The following UNC93A variants were observed in gnomAD, a reference collection of about 807,000 sequenced individuals.
UNC93A encodes the protein N-acetylglucosamine transporter UNC93A.
In UNC93A, 43 loss-of-function variants were observed where a neutral mutation model predicts 47.5. The ratio of observed to expected loss-of-function variants is 0.91; its 90% confidence interval spans 0.71 to 1.17. The LOEUF (loss-of-function observed/expected upper bound fraction) is 1.17, where lower values mean the gene tolerates loss of function less well. UNC93A is among the 50% of genes most tolerant of loss of function. The probability of loss-of-function intolerance (pLI) is 0.00; values close to 1 mark genes in which losing one functional copy is unlikely to be tolerated. For missense variants in UNC93A, 605 were observed against 577.6 expected (o/e 1.05, Z -0.49); for synonymous variants, 280 against 258.0 (o/e 1.09, Z -0.82).
In UNC93A at chr6:167,296,478, G is replaced by A. The variant is rs531979306; in HGVS notation, c.499+217G>A. Among the ~76,000 whole-genome samples, 148 of 152,328 alleles carry A rather than the reference G, an allele frequency of 9.7e-4. 2 individuals carry two copies. Among genetic ancestry groups the A allele is most frequent in the African/African-American group, 3.4e-3 (140 of 41,566 alleles). On this transcript the variant is annotated intron_variant, in intron 3 of 7. Coordinates refer to ENST00000230256, the MANE Select transcript of UNC93A (RefSeq NM_018974.4). The stretch of plus-strand genomic sequence containing the variant: ...TCGGGTGGGACTGAAGAAGATCTGC[G>A]TCTTCCACAGGTGCCTCCGCAGGGG...
chr6:167,278,810 G>A (rs140196250), intron 1 of UNC93A, among the ~76,000 whole-genome samples: 1,996 of 152,260 alleles, frequency 0.013, 51 homozygotes, highest in African/African-American at 0.046. Flanking sequence ...GGGCTCACCC[G>A]GCTCTGTTCC....
At chr6:167,278,409 G>T (rs902916575) in intron 1 of UNC93A, among the ~76,000 whole-genome samples, 1 of 152,172 alleles carries the variant, frequency 6.6e-6, no homozygotes, top group Non-Finnish European at 1.5e-5. Context: ...AAAGCTGCAC[G>T]GTGGGTGCAT....
At chr6:167,281,418 T>C (rs1221899689) in intron 1 of UNC93A, among the ~76,000 whole-genome samples, 3 of 152,146 alleles carry the variant, frequency 2.0e-5, no homozygotes, top group African/African-American at 7.2e-5. Flanking sequence ...GAGGATGAGA[T>C]GAGTTGAGCT....
intron 4 of UNC93A, among the ~76,000 whole-genome samples, chr6:167,302,426 G>A (rs1343545940): frequency 6.6e-6 from 1 of 152,122 alleles, no homozygotes; most frequent in Non-Finnish European, 1.5e-5. Context: ...CAGAGAGAAG[G>A]GAAGGATCGC....
chr6:167,283,118 T>C (rs929671182), intron 1 of UNC93A, among the ~76,000 whole-genome samples: 3 of 152,170 alleles, frequency 2.0e-5, no homozygotes, highest in Non-Finnish European at 4.4e-5. Flanking sequence ...ACAAAAGACC[T>C]GGAAAAAGAA....
At chr6:167,299,924 G>A (rs914398481) in intron 4 of UNC93A, among the ~76,000 whole-genome samples, 1 of 152,226 alleles carries the variant, frequency 6.6e-6, no homozygotes, top group African/African-American at 2.4e-5. Context: ...GCGTGACTTA[G>A]AGGTGCAGAG....
intron 7 of UNC93A, among the ~76,000 whole-genome samples, chr6:167,312,703 A>T (rs1042650709): frequency 3.3e-5 from 5 of 152,262 alleles, no homozygotes; most frequent in Admixed American, 6.5e-5. Context: ...GTGTACAGTC[A>T]TTTCAGAATT....
At chr6:167,308,628 T>A (rs1883178) in intron 7 of UNC93A, among the ~76,000 whole-genome samples, 1 of 150,446 alleles carries the variant, frequency 6.6e-6, no homozygotes, top group Admixed American at 6.6e-5. Flanking sequence ...CTGGGGCCCC[T>A]AAGAAGGCGG....
chr6:167,296,375 G>T lies in UNC93A; in HGVS notation c.499+114G>T, dbSNP rs190451749. On this transcript the variant is annotated intron_variant, in intron 3 of 7. Transcript: ENST00000230256. ...TGCCTTGATTCTGTAACTTGAGCAG[G>T]TGAGTCAGGCCCCACAGGTGAGATT... 1.9e-5 allele frequency: 22 copies of T among 1,142,334 alleles called. No homozygotes were observed. The East Asian group carries it at 5.0e-4, about 26-fold the overall frequency. 70.8% of individuals were successfully genotyped at this position (1,142,334 alleles called of 1,614,324 possible).
chr6:167,303,298 C>T (rs1418159552), intron 4 of UNC93A, among the ~76,000 whole-genome samples: 2 of 152,232 alleles, frequency 1.3e-5, no homozygotes, highest in Non-Finnish European at 2.9e-5. Flanking sequence ...GCGCACTCTA[C>T]ACAGAGGTCT....
At chr6:167,295,809 T>C (rs1032195579) in intron 2 of UNC93A, among the ~76,000 whole-genome samples, 1 of 152,230 alleles carries the variant, frequency 6.6e-6, no homozygotes, top group African/African-American at 2.4e-5. Flanking sequence ...CTGGCTTCAA[T>C]TTCACTTTTG....
Position 167,297,949 on chromosome 6 carries a change from C to T in UNC93A, c.504C>T (p.Thr168=), listed in dbSNP as rs192022113. 3.7e-5 allele frequency: 59 copies of T among 1,613,858 alleles called. 1 individual carries two copies. The Admixed American group carries it at 7.3e-4, about 20-fold the overall frequency. Residue 168 remains threonine (T), a synonymous_variant, in exon 4 of 8, where the codon ACC becomes ACT. Coordinates refer to ENST00000230256, the MANE Select transcript of UNC93A (RefSeq NM_018974.4). ...LVFGQTPSQE[T]LPEEQLTSCG... is the part of the protein sequence containing the mutation. ...CTGTCCACTCTGACTTCATAGAGACCCTTCCAGAAGAGCAGCTCACGTCCT... is the reference window on the plus strand; with the variant it reads ...CTGTCCACTCTGACTTCATAGAGACTCTTCCAGAAGAGCAGCTCACGTCCT...
intron 1 of UNC93A, among the ~76,000 whole-genome samples, chr6:167,278,714 T>C (rs1433188959): frequency 6.6e-6 from 1 of 152,110 alleles, no homozygotes; most frequent in Non-Finnish European, 1.5e-5. Context: ...CTTCCTGCTG[T>C]GACACTTCAT....
intron 5 of UNC93A, among the ~76,000 whole-genome samples, chr6:167,305,204 A>G (rs549722647): frequency 6.6e-6 from 1 of 152,358 alleles, no homozygotes; most frequent in African/African-American, 2.4e-5. Flanking sequence ...CTCCAGGAGT[A>G]TGCCCAGGCC....
chr6:167,283,282 G>T lies in UNC93A; in HGVS notation c.-51-8157G>T, dbSNP rs542452916. 2.0e-5 allele frequency among the ~76,000 whole-genome samples: 3 copies of T among 152,340 alleles called. No individual in the cohort carries two copies. In the East Asian group the frequency reaches 5.8e-4, roughly 29 times the overall value. The stretch of plus-strand genomic sequence containing the variant: ...GTGATGCTATAATAGAGTTAGGTTG[G>T]AATGTGGTGTCTTATTTCTACAAAG... On this transcript the variant is annotated intron_variant, in intron 1 of 3. Transcript: ENST00000503433.
intron 1 of UNC93A, among the ~76,000 whole-genome samples, chr6:167,275,810 T>A (rs1003136351): frequency 6.6e-6 from 1 of 152,214 alleles, no homozygotes; most frequent in African/African-American, 2.4e-5. Flanking sequence ...ATCCAAGAAG[T>A]GAGTCTTTTG....
intron 1 of UNC93A, among the ~76,000 whole-genome samples, chr6:167,272,830 G>A (rs1439248223): frequency 1.3e-5 from 2 of 152,198 alleles, no homozygotes; most frequent in East Asian, 3.8e-4. Context: ...CAGGTAGCAG[G>A]CTTCAGAGGG....
At chr6:167,292,665 C>G (rs1233286170) in intron 1 of UNC93A, among the ~76,000 whole-genome samples, 1 of 152,186 alleles carries the variant, frequency 6.6e-6, no homozygotes, top group Non-Finnish European at 1.5e-5. Context: ...TGGTTCATTA[C>G]TTTTGGAGTC....
At position 167,296,281 on chromosome 6, in the gene UNC93A, G is replaced by A. The variant is rs1287747588; in HGVS notation, c.499+20G>A. 4 of 1,612,562 alleles carry A rather than the reference G, an allele frequency of 2.5e-6. No individual in the cohort carries two copies. The highest frequency in any genetic ancestry group is 1.3e-5 in the African/African-American group (1 of 75,008). ...GCCAAGGTAAAAGGAAAAGGGGCAA[G>A]CAATTGTCTCCAAGTGGAGCAGGGG... On this transcript the variant is annotated intron_variant, in intron 3 of 7. Transcript: ENST00000230256.
Sources: allele counts gnomAD v4.1 joint callset (sites outside exome capture counted in the v4.1 genomes callset), GRCh38; gene constraint gnomAD v4.1.1; transcripts MANE v1.5; gene names NCBI Gene and HGNC (gene_info 2026-07-23, HGNC 2026-07-21).